HMGCLL1: variants seen among roughly 807,000 people sequenced by gnomAD.
The protein encoded by HMGCLL1 is 3-hydroxymethyl-3-methylglutaryl-CoA lyase, cytoplasmic.
In HMGCLL1, 36 loss-of-function variants were observed where a neutral mutation model predicts 39.1. The ratio of observed to expected loss-of-function variants is 0.92; its 90% CI spans 0.71 to 1.22. The LOEUF (loss-of-function observed/expected upper bound fraction) is 1.22, where lower values mean the gene tolerates loss of function less well. Among genes scored for constraint, HMGCLL1 ranks in the 50% most tolerant of loss-of-function variants. The probability of loss-of-function intolerance (pLI) is 0.00; values close to 1 mark genes in which losing one functional copy is unlikely to be tolerated. For missense variants in HMGCLL1, 451 were observed against 416.5 expected (o/e 1.08, Z -0.72); for synonymous variants, 149 against 144.0 (o/e 1.03, Z -0.25).
intron 8 of HMGCLL1, among the ~76,000 whole-genome samples, chr6:55,438,953 G>C (rs1763480930): frequency 6.6e-6 from 1 of 152,006 alleles, no homozygotes; most frequent in Admixed American, 6.6e-5. Context: ...TTGCCATCCA[G>C]TGTCTCATAT....
chr6:55,475,089 A>T (rs1205515600), intron 7 of HMGCLL1, among the ~76,000 whole-genome samples: 1 of 151,512 alleles, frequency 6.6e-6, no homozygotes, highest in African/African-American at 2.4e-5. Context: ...CTCCAGTGGT[A>T]TCAACTTTTG....
At chr6:55,539,337 G>A (rs957345077) in intron 3 of HMGCLL1, among the ~76,000 whole-genome samples, 5 of 152,104 alleles carry the variant, frequency 3.3e-5, no homozygotes, top group Non-Finnish European at 7.4e-5. Flanking sequence ...TCCCATTACT[G>A]GGTATATAAC....
chr6:55,458,482 C>T (rs535184280), intron 7 of HMGCLL1, among the ~76,000 whole-genome samples: 280 of 152,168 alleles, frequency 1.8e-3, no homozygotes, highest in African/African-American at 5.5e-3. Context: ...GAAACCTGAA[C>T]GAAGTGGGAG....
chr6:55,674,776 C>T, the HMGCLL1 span, among the ~76,000 whole-genome samples: 5 of 152,052 alleles, frequency 3.3e-5, no homozygotes, highest in African/African-American at 9.6e-5. Context: ...AAAAACAAAA[C>T]GTTAAAGACA....
At chr6:55,575,404 TATTTA>T (rs1429301682) in intron 1 of HMGCLL1, among the ~76,000 whole-genome samples, 9 of 152,226 alleles carry the variant, frequency 5.9e-5, no homozygotes, top group African/African-American at 1.2e-4. Context: ...ATACACACAA[TATTTA>T]ATTTAAGTCT....
the HMGCLL1 span, among the ~76,000 whole-genome samples, chr6:55,666,577 A>T: frequency 0.41 from 61,799 of 151,420 alleles, 13,224 homozygotes; most frequent in Middle Eastern, 0.56. Context: ...CCAGGCCACA[A>T]ATTATCATAG....
chr6:55,583,359 C>T (rs1263503092), upstream of HMGCLL1, among the ~76,000 whole-genome samples: 2 of 151,736 alleles, frequency 1.3e-5, no homozygotes, highest in South Asian at 4.2e-4. Flanking sequence ...CCCCACCCCA[C>T]AACAGTCCCC....
intron 5 of HMGCLL1, chr6:55,513,729 C>T (rs763718761): frequency 6.2e-6 from 2 of 322,648 alleles, no homozygotes; most frequent in East Asian, 1.0e-4. Context: ...TTTATACCAA[C>T]TTATCAGCAC....
rs745457895 is a variant in HMGCLL1, at chr6:55,499,252, G to A, written c.590C>T (p.Pro197Leu). The A allele has an allele frequency of 2.4e-5, 38 of 1,608,274 alleles. No individual in the cohort carries two copies. The highest frequency in any genetic ancestry group is 2.6e-5 in the Non-Finnish European group (31 of 1,177,270). ...GTAGCTTACTTCTGTCACTTTTTGC[G>A]GTGTAATACTTCCTTCATATGGACA... ...LGCPYEGSIT[P>L]QKVTEVSKRL... The change falls in exon 6 of 9, where the codon CCG (proline) becomes CTG (leucine). Residue 197 changes from proline to leucine, a missense_variant. Coordinates refer to ENST00000274901, the MANE Select transcript of HMGCLL1 (RefSeq NM_001042406.2).
At chr6:55,560,593 A>G (rs1770898681) in intron 1 of HMGCLL1, among the ~76,000 whole-genome samples, 1 of 152,062 alleles carries the variant, frequency 6.6e-6, no homozygotes, top group South Asian at 2.1e-4. Flanking sequence ...TAACACCTTC[A>G]TTTAATCGCC....
chr6:55,627,922 A>ATATATATATTATATATATAG, the HMGCLL1 span, among the ~76,000 whole-genome samples: 1 of 2,368 alleles, frequency 4.2e-4, no homozygotes, highest in Non-Finnish European at 7.2e-4. Context: ...TATATATATA[A>ATATATATATTATATATATAG]TATATATACT....
At chr6:55,484,037 T>A (rs1765878160) in intron 7 of HMGCLL1, among the ~76,000 whole-genome samples, 1 of 152,150 alleles carries the variant, frequency 6.6e-6, no homozygotes, top group South Asian at 2.1e-4. Flanking sequence ...TCTTGCACCT[T>A]GAATAAAAAT....
chr6:55,554,099 CCTGGCTCAATAATGCCAT>C (rs1315032175), intron 1 of HMGCLL1, among the ~76,000 whole-genome samples: 5 of 152,130 alleles, frequency 3.3e-5, no homozygotes, highest in Non-Finnish European at 7.3e-5. Flanking sequence ...GTATTCAAAA[CCTGGCTCAATAATGCCAT>C]AAGTGAATAC....
the HMGCLL1 span, among the ~76,000 whole-genome samples, chr6:55,668,967 A>G: frequency 6.6e-6 from 1 of 151,562 alleles, no homozygotes; most frequent in Non-Finnish European, 1.5e-5. Context: ...GGACTAACCC[A>G]TTTCTTTTTT....
the HMGCLL1 span, among the ~76,000 whole-genome samples, chr6:55,677,679 A>G: frequency 6.6e-6 from 1 of 152,160 alleles, no homozygotes; most frequent in East Asian, 1.9e-4. Flanking sequence ...TCAAATGACT[A>G]CACAGGGAGG....
chr6:55,521,919 GT>G (rs1335330822), intron 3 of HMGCLL1, among the ~76,000 whole-genome samples: 1 of 152,020 alleles, frequency 6.6e-6, no homozygotes, highest in Non-Finnish European at 1.5e-5. Flanking sequence ...ATGCCAAACA[GT>G]TAGAAAAGTT....
the HMGCLL1 span, among the ~76,000 whole-genome samples, chr6:55,594,502 T>C: frequency 6.6e-6 from 1 of 152,218 alleles, no homozygotes; most frequent in Non-Finnish European, 1.5e-5. Context: ...TGTGAAACAT[T>C]TGTTCTGAGA....
the HMGCLL1 span, among the ~76,000 whole-genome samples, chr6:55,654,392 TGAA>T: frequency 4.4e-4 from 67 of 151,670 alleles, no homozygotes; most frequent in African/African-American, 1.6e-3. Flanking sequence ...AATAAGGACT[TGAA>T]GTCAAAATTT....
chr6:55,442,978 A>T (rs189294120), intron 7 of HMGCLL1, among the ~76,000 whole-genome samples: 1 of 132,092 alleles, frequency 7.6e-6, no homozygotes, highest in East Asian at 2.3e-4. Flanking sequence ...TGAATGTATC[A>T]GTTTAGGAGT....
Sources: gnomAD v4.1 joint callset for allele counts (sites outside exome capture counted in the v4.1 genomes callset) on GRCh38, gnomAD v4.1.1 for gene constraint, MANE v1.5 for transcripts, NCBI Gene and HGNC (gene_info 2026-07-23, HGNC 2026-07-21) for gene names.